CPAMD8: variants seen among roughly 807,000 people sequenced by gnomAD.
CPAMD8 encodes C3 and PZP-like alpha-2-macroglobulin domain-containing protein 8.
CPAMD8 carries 146 observed loss-of-function variants against 224.7 expected under a neutral mutation model. The ratio of observed to expected loss-of-function variants is 0.65; its 90% CI spans 0.57 to 0.75. The LOEUF is 0.75. CPAMD8 is among the 30% of genes least tolerant of loss of function. CPAMD8 has a pLI of 0.00. For missense variants in CPAMD8, 2,301 were observed against 2,537.5 expected (o/e 0.91, Z 2.00); for synonymous variants, 966 against 1,044.6 (o/e 0.92, Z 1.45).
At position 17,008,703 on chromosome 19, in the gene CPAMD8, C is replaced by CAAAAAAA; in HGVS notation, c.505-151_505-145dup. ...CCAAGATTAATCATTAACCCCGGGG[C>CAAAAAAA]AAAAAAAAAGCTCTGGATAGAGAAG... is the stretch of plus-strand genomic sequence containing the variant. On this transcript the variant is annotated intron_variant, in intron 6 of 41. Transcript: ENST00000443236. 3.4e-6 allele frequency: 3 copies of CAAAAAAA among 884,216 alleles called. No individual in the cohort carries two copies. In the South Asian group the frequency reaches 4.4e-5, roughly 13 times the overall value. The allele number at this position is 884,216 out of a possible 1,614,324, so 54.8% of individuals were successfully genotyped here. A position where few individuals can be genotyped will look rare whatever the true frequency, so the allele number is the denominator to read the frequency against.
At chr19:16,990,813 G>A (rs907386191) in intron 12 of CPAMD8, among the ~76,000 whole-genome samples, 1 of 132,722 alleles carries the variant, frequency 7.5e-6, no homozygotes, top group African/African-American at 2.9e-5. Context: ...CAGTGAGCTG[G>A]AATCACGCCA....
In CPAMD8 at chr19:16,926,637, C is replaced by T. The variant is rs148292899; in HGVS notation, c.3371-1265G>A. 4.4e-3 allele frequency among the ~76,000 whole-genome samples: 676 copies of T among 152,288 alleles called. 5 individuals are homozygous for T. Among genetic ancestry groups the T allele is most frequent in the Admixed American group, 7.5e-3 (114 of 15,290 alleles). On this transcript the variant is annotated intron_variant, in intron 25 of 41. Transcript: ENST00000443236. ...GGCCCCTTCTTTCTTTCTTTAGCCT[C>T]TCTGCATGTCTCACTGAGGCTGCCA...
At chr19:16,957,020 T>A (rs1316982812) in intron 19 of CPAMD8, among the ~76,000 whole-genome samples, 3 of 152,084 alleles carry the variant, frequency 2.0e-5, no homozygotes, top group Non-Finnish European at 4.4e-5. Flanking sequence ...TCACCAGACA[T>A]CCAGAAAGTA....
At chr19:16,924,334 G>A (rs983167420) in intron 26 of CPAMD8, among the ~76,000 whole-genome samples, 2 of 152,088 alleles carry the variant, frequency 1.3e-5, no homozygotes, top group African/African-American at 2.4e-5. Flanking sequence ...CACAGGGTCC[G>A]GCTGTCCCCT....
chr19:17,019,818 C>T (rs2056905261), intron 3 of CPAMD8, among the ~76,000 whole-genome samples: 2 of 152,014 alleles, frequency 1.3e-5, no homozygotes, highest in Admixed American at 1.3e-4. Context: ...ATCAACCCAC[C>T]TCAGCCTCGC....
intron 3 of CPAMD8, among the ~76,000 whole-genome samples, chr19:17,019,329 A>C (rs1168069802): frequency 6.6e-6 from 1 of 151,830 alleles, no homozygotes; most frequent in Non-Finnish European, 1.5e-5. Flanking sequence ...TGCCATGTTG[A>C]CCAGGCTGGT....
At chr19:16,896,353 A>C (rs2051988490) in intron 40 of CPAMD8, 27 bp from the exon 41 acceptor site, 1 of 1,573,670 alleles carries the variant, frequency 6.4e-7, no homozygotes, top group Non-Finnish European at 8.6e-7. Context: ...CTCGGTCGGG[A>C]GGGCGTGGCG....
chr19:16,919,176 T>C (rs2053074847), intron 27 of CPAMD8, among the ~76,000 whole-genome samples: 1 of 151,090 alleles, frequency 6.6e-6, no homozygotes, highest in African/African-American at 2.4e-5. Flanking sequence ...GAACTCCAGC[T>C]TGGGTGATAG....
chr19:17,010,668 A>G (rs1017632226), intron 5 of CPAMD8, among the ~76,000 whole-genome samples: 1 of 152,162 alleles, frequency 6.6e-6, no homozygotes, highest in Admixed American at 6.6e-5. Context: ...ATTATTTACC[A>G]TTAAAATAAT....
intron 18 of CPAMD8, among the ~76,000 whole-genome samples, chr19:16,958,696 C>T (rs2054551612): frequency 6.6e-6 from 1 of 152,168 alleles, no homozygotes; most frequent in South Asian, 2.1e-4. Flanking sequence ...GCAATCACCA[C>T]ACTGCTTTCC....
rs564957510 is a variant in CPAMD8, at chr19:17,012,453, T to C, written c.268-696A>G. 1.7e-3 allele frequency among the ~76,000 whole-genome samples: 260 copies of C among 150,344 alleles called. 1 individual carries two copies. Among genetic ancestry groups the C allele is most frequent in the Non-Finnish European group, 1.9e-3 (131 of 67,670 alleles). On this transcript the variant is annotated intron_variant, in intron 3 of 41. Coordinates refer to ENST00000443236, the MANE Select transcript of CPAMD8 (RefSeq NM_015692.5). Reference sequence around the variant, plus strand: ...GCCTTGGCCTGCTGGGCGCAAGCAATCCTCCCATCTCAGCCTCCCAAAGAG... The same window carrying C: ...GCCTTGGCCTGCTGGGCGCAAGCAACCCTCCCATCTCAGCCTCCCAAAGAG...
At chr19:16,942,825 T>G (rs542404455) in intron 22 of CPAMD8, among the ~76,000 whole-genome samples, 6 of 152,200 alleles carry the variant, frequency 3.9e-5, no homozygotes, top group Non-Finnish European at 5.9e-5. Flanking sequence ...GGGCCAGATC[T>G]CAGAACACGG....
At chr19:16,902,350 A>C (rs994923320) in intron 35 of CPAMD8, among the ~76,000 whole-genome samples, 1 of 152,028 alleles carries the variant, frequency 6.6e-6, no homozygotes, top group African/African-American at 2.4e-5. Context: ...CCCTGTATCT[A>C]CTAAAAAGAC....
chr19:16,988,567 G>A (rs2055826447), intron 13 of CPAMD8, among the ~76,000 whole-genome samples: 1 of 151,812 alleles, frequency 6.6e-6, no homozygotes, highest in Non-Finnish European at 1.5e-5. Flanking sequence ...CTGAGATCGT[G>A]CCACTGCACT....
intron 18 of CPAMD8, among the ~76,000 whole-genome samples, chr19:16,962,855 C>A (rs544489519): frequency 6.6e-6 from 1 of 152,100 alleles, no homozygotes; most frequent in Non-Finnish European, 1.5e-5. Context: ...TGGCAGAAAC[C>A]CTACAAGCCA....
chr19:17,014,256 AC>A lies in CPAMD8; in HGVS notation c.268-2500del, dbSNP rs575085507. On this transcript the variant is annotated intron_variant, in intron 3 of 41. Transcript: ENST00000443236. ...TATTTTTTGGTAGAGATGGGGTCTC[AC>A]TATGTTGCCCAGGCTGGGCTCAAAC... 4.0e-5 allele frequency among the ~76,000 whole-genome samples: 6 copies of A among 151,808 alleles called. No individual in the cohort carries two copies. The East Asian group carries it at 1.2e-3, about 30-fold the overall frequency.
chr19:17,011,759 T>C lies in CPAMD8; in HGVS notation c.268-2A>G, dbSNP rs1019177909. ...TTGGCCCCGGAGGCCCGTGGGCACC[T>C]GCAGGCAGAGGAAGGAGCTTTGGGA... On this transcript the variant is annotated splice_acceptor_variant, in intron 3 of 41. Coordinates refer to ENST00000443236, the MANE Select transcript of CPAMD8 (RefSeq NM_015692.5). LOFTEE classifies it high-confidence loss of function. The C allele has an allele frequency of 6.2e-7, 1 of 1,612,400 alleles. No homozygotes were observed. Among genetic ancestry groups the C allele is most frequent in the Non-Finnish European group, 8.5e-7 (1 of 1,179,484 alleles).
intron 7 of CPAMD8, among the ~76,000 whole-genome samples, chr19:17,006,431 G>A (rs1251186866): frequency 6.6e-6 from 1 of 151,856 alleles, no homozygotes; most frequent in Admixed American, 6.6e-5. Context: ...GCTGAGGTGG[G>A]AGGATCACTT....
In CPAMD8 at chr19:16,993,436, C is replaced by G; in HGVS notation, c.1246G>C (p.Ala416Pro). 2 of 1,613,472 alleles carry G rather than the reference C, an allele frequency of 1.2e-6. No homozygotes were observed. The highest frequency in any genetic ancestry group is 1.7e-6 in the Non-Finnish European group (2 of 1,179,662). ...GFEIPSIPTS[A>P]QHVWLETKVM... is the part of the protein sequence containing the mutation. ...CCCACCTCCAGCCACACGTGCTGGG[C>G]TGACGTGGGGATGGAGGGGATTTCA... is the stretch of plus-strand genomic sequence containing the variant. The change falls in exon 12 of 42, where the codon GCC becomes CCC. Residue 416 changes from alanine (A) to proline (P), a missense_variant. Ala to Pro is a conservative substitution (Grantham distance 27). Coordinates refer to ENST00000443236, the MANE Select transcript of CPAMD8 (RefSeq NM_015692.5).
Sources: allele counts gnomAD v4.1 joint callset (sites outside exome capture counted in the v4.1 genomes callset), GRCh38; gene constraint gnomAD v4.1.1; transcripts MANE v1.5; gene names NCBI Gene and HGNC (gene_info 2026-07-23, HGNC 2026-07-21).